Variants in PEX5L observed in about 807,000 individuals in gnomAD.
The protein encoded by PEX5L is peroxisomal biogenesis factor 5 like.
PEX5L carries 30 observed loss-of-function variants against 84.0 expected under a neutral mutation model. That is an observed-to-expected ratio of 0.36 (90% CI 0.27 to 0.48). The LOEUF (loss-of-function observed/expected upper bound fraction) is 0.48. PEX5L is among the 20% of genes least tolerant of loss of function. The pLI is 0.99. For missense variants in PEX5L, 533 were observed against 754.6 expected (o/e 0.71, Z 3.44); for synonymous variants, 270 against 283.1 (o/e 0.95, Z 0.46).
chr3:179,811,550 G>T (rs147080842), intron 11 of PEX5L, among the ~76,000 whole-genome samples: 228 of 152,234 alleles, frequency 1.5e-3, no homozygotes, highest in African/African-American at 5.1e-3. Context: ...TTTATGACTG[G>T]GTTTAACACA....
chr3:179,838,668 TTAAG>T (rs1306098952), intron 8 of PEX5L, among the ~76,000 whole-genome samples: 6 of 152,226 alleles, frequency 3.9e-5, no homozygotes, highest in Admixed American at 2.0e-4. Context: ...ATTTTGAAGA[TTAAG>T]TAAGATAGAA....
intron 8 of PEX5L, among the ~76,000 whole-genome samples, chr3:179,845,687 T>A (rs765502931): frequency 4.6e-5 from 7 of 152,244 alleles, no homozygotes; most frequent in Non-Finnish European, 7.3e-5. Flanking sequence ...TTTCTAGTTC[T>A]GCCTGCCAAT....
chr3:179,855,803 T>A (rs1055516306), intron 8 of PEX5L, among the ~76,000 whole-genome samples: 11 of 152,210 alleles, frequency 7.2e-5, no homozygotes, highest in African/African-American at 2.4e-4. Flanking sequence ...GAAGGTGCCA[T>A]CTATGAGGAA....
intron 2 of PEX5L, among the ~76,000 whole-genome samples, chr3:179,939,400 T>G (rs4331674): frequency 0.79 from 120,401 of 152,118 alleles, 48,084 homozygotes; most frequent in African/African-American, 0.88. Context: ...ACTCTAGGGG[T>G]TGGGCTCTGT....
intron 5 of PEX5L, among the ~76,000 whole-genome samples, chr3:179,879,440 T>C (rs1281938803): frequency 2.0e-5 from 3 of 152,194 alleles, no homozygotes; most frequent in African/African-American, 7.2e-5. Context: ...TGAGATAATA[T>C]ATGTAAGTAA....
intron 14 of PEX5L, 130 bp from the exon 15 acceptor site, chr3:179,802,162 T>A: frequency 1.5e-6 from 1 of 663,254 alleles, no homozygotes; most frequent in Non-Finnish European, 2.7e-6. Flanking sequence ...GTGTTCTGGA[T>A]GATCAAATGA....
chr3:180,001,053 C>A (rs1788354395), intron 1 of PEX5L, among the ~76,000 whole-genome samples: 1 of 151,960 alleles, frequency 6.6e-6, no homozygotes, highest in African/African-American at 2.4e-5. Flanking sequence ...AAAGGCAGAC[C>A]CACCCTTAAT....
intron 1 of PEX5L, among the ~76,000 whole-genome samples, chr3:179,986,340 TG>T: frequency 6.6e-6 from 1 of 151,952 alleles, no homozygotes; most frequent in East Asian, 1.9e-4. Context: ...TCCTTGAGTT[TG>T]TTTGTATTTT....
intron 8 of PEX5L, chr3:179,820,684 A>T (rs1728167886): frequency 2.0e-5 from 3 of 152,242 alleles, no homozygotes; most frequent in Admixed American, 2.0e-4. Flanking sequence ...CGGTAAGGGA[A>T]ATCAGGCTGT....
intron 9 of PEX5L, among the ~76,000 whole-genome samples, chr3:179,817,754 C>A (rs575113903): frequency 6.6e-6 from 1 of 152,102 alleles, no homozygotes; most frequent in Non-Finnish European, 1.5e-5. Context: ...CAAGTGGAGG[C>A]CTTCAGTCTC....
chr3:179,865,139 G>C (rs906253803), intron 7 of PEX5L, among the ~76,000 whole-genome samples: 1 of 152,084 alleles, frequency 6.6e-6, no homozygotes, highest in Non-Finnish European at 1.5e-5. Context: ...TATTCTCTTT[G>C]CCACTTAAAA....
chr3:179,890,263 C>T (rs930346648), intron 3 of PEX5L, among the ~76,000 whole-genome samples: 58 of 152,268 alleles, frequency 3.8e-4, no homozygotes, highest in African/African-American at 1.3e-3. Flanking sequence ...CTGTGTTATA[C>T]GCATTCACAG....
chr3:180,004,276 A>T (rs1266679302), intron 1 of PEX5L, among the ~76,000 whole-genome samples: 1 of 152,224 alleles, frequency 6.6e-6, no homozygotes, highest in Non-Finnish European at 1.5e-5. Context: ...CAGACACATC[A>T]GATTATATTT....
At chr3:179,957,226 T>C (rs1780805126) in intron 2 of PEX5L, among the ~76,000 whole-genome samples, 1 of 152,176 alleles carries the variant, frequency 6.6e-6, no homozygotes, top group Non-Finnish European at 1.5e-5. Flanking sequence ...CTCAGGACCA[T>C]GGGTGATACT....
chr3:179,940,128 A>T (rs1775670877), intron 2 of PEX5L, among the ~76,000 whole-genome samples: 3 of 152,096 alleles, frequency 2.0e-5, no homozygotes, highest in Non-Finnish European at 2.9e-5. Flanking sequence ...AGGTGACCTG[A>T]TTATGCTTCC....
chr3:179,899,607 T>C (rs530188518), intron 2 of PEX5L, among the ~76,000 whole-genome samples: 1 of 152,274 alleles, frequency 6.6e-6, no homozygotes, highest in African/African-American at 2.4e-5. Flanking sequence ...CAAAACATTA[T>C]CCATTTTCTC....
At chr3:179,966,048 A>C (rs1323159660) in intron 2 of PEX5L, among the ~76,000 whole-genome samples, 1 of 152,282 alleles carries the variant, frequency 6.6e-6, no homozygotes, top group Middle Eastern at 3.4e-3. Context: ...ATAGATAGCA[A>C]ATTTGAATAG....
intron 1 of PEX5L, among the ~76,000 whole-genome samples, chr3:179,972,188 T>G (rs547145733): frequency 6.6e-6 from 1 of 152,120 alleles, no homozygotes; most frequent in African/African-American, 2.4e-5. Context: ...AAAAACCAAC[T>G]CAGAAATAAT....
At chr3:180,023,236 A>G (rs1414273452) in intron 1 of PEX5L, among the ~76,000 whole-genome samples, 1 of 152,212 alleles carries the variant, frequency 6.6e-6, no homozygotes, top group Non-Finnish European at 1.5e-5. Context: ...TAAAATATCT[A>G]TCTTTTGCCA....
Sources: gnomAD v4.1 joint callset for allele counts (sites outside exome capture counted in the v4.1 genomes callset) on GRCh38, gnomAD v4.1.1 for gene constraint, MANE v1.5 for transcripts, NCBI Gene and HGNC (gene_info 2026-07-23, HGNC 2026-07-21) for gene names.